The following TGFBR3 variants were observed in gnomAD, a reference collection of about 807,000 sequenced individuals.
TGFBR3 encodes transforming growth factor beta receptor 3.
A neutral mutation model predicts 87.9 loss-of-function variants in TGFBR3; 46 were observed. That is an observed-to-expected ratio of 0.52 (90% confidence interval 0.41 to 0.67). The LOEUF (loss-of-function observed/expected upper bound fraction) is 0.67. Among genes scored for constraint, TGFBR3 ranks in the 30% least tolerant of loss-of-function variants. The pLI is 0.00. For missense variants in TGFBR3, 866 were observed against 1,041.9 expected, an observed-to-expected ratio of 0.83 and a Z score of 2.32; for synonymous variants, 381 against 391.6, an observed-to-expected ratio of 0.97 and a Z score of 0.32.
intron 3 of TGFBR3, chr1:91,786,150 A>T (rs1364671813): frequency 2.2e-6 from 1 of 454,642 alleles, no homozygotes; most frequent in African/African-American, 2.0e-5. Flanking sequence ...GGTGCTAAAG[A>T]CATAAAAATG....
At chr1:91,876,813 G>A (rs1216741918) in intron 1 of TGFBR3, among the ~76,000 whole-genome samples, 1 of 151,884 alleles carries the variant, frequency 6.6e-6, no homozygotes, top group Non-Finnish European at 1.5e-5. Context: ...CCAATACAGA[G>A]CATTTGAGAA....
At chr1:91,852,442 C>T (rs1247180874) in intron 2 of TGFBR3, among the ~76,000 whole-genome samples, 2 of 152,228 alleles carry the variant, frequency 1.3e-5, no homozygotes, top group Non-Finnish European at 2.9e-5. Context: ...CATGCACGCA[C>T]ATGCTGTTTC....
rs767455328 is a variant in TGFBR3, at chr1:91,698,145, T to C, written c.2288-15A>G. 2.4e-5 allele frequency: 38 copies of C among 1,611,938 alleles called. No homozygotes were observed. The highest frequency in any genetic ancestry group is 2.1e-5 in the Non-Finnish European group (25 of 1,178,066). Reference sequence around the variant, plus strand: ...TGGACCTTTTTCTGAAACAAAAACATAAATCACAATGTATTCTATGGAGAA... The same window carrying C: ...TGGACCTTTTTCTGAAACAAAAACACAAATCACAATGTATTCTATGGAGAA... On this transcript the variant is annotated splice_polypyrimidine_tract_variant and intron_variant, in intron 14 of 16. Coordinates refer to ENST00000212355, the MANE Select transcript of TGFBR3 (RefSeq NM_003243.5).
chr1:91,712,577 G>A, intron 12 of TGFBR3, 35 bp from the exon 13 acceptor site: 1 of 1,606,914 alleles, frequency 6.2e-7, no homozygotes, highest in Non-Finnish European at 8.5e-7. Context: ...TAGGAAATGA[G>A]TTAGCATCTC....
chr1:91,703,285 T>C (rs1273576280), intron 14 of TGFBR3, among the ~76,000 whole-genome samples: 1 of 152,110 alleles, frequency 6.6e-6, no homozygotes, highest in Non-Finnish European at 1.5e-5. Context: ...CTCTCTTGGA[T>C]CAACTTCCAA....
intron 3 of TGFBR3, among the ~76,000 whole-genome samples, chr1:91,770,011 A>C (rs1674319735): frequency 6.6e-6 from 1 of 152,228 alleles, no homozygotes; most frequent in Non-Finnish European, 1.5e-5. Context: ...ACTGAGTCTC[A>C]GCATCAAAGT....
chr1:91,886,279 C>G (rs1205984000), upstream of TGFBR3: 2 of 420,080 alleles, frequency 4.8e-6, no homozygotes, highest in African/African-American at 2.1e-5. Flanking sequence ...CGGGGGCTCT[C>G]GGCCGCCCAG....
At chr1:91,793,224 C>G (rs1461772183) in intron 3 of TGFBR3, among the ~76,000 whole-genome samples, 2 of 152,124 alleles carry the variant, frequency 1.3e-5, no homozygotes, top group Non-Finnish European at 2.9e-5. Context: ...AAAAATCTCT[C>G]CCCAGCTGAA....
chr1:91,782,717 G>A (rs11165489), intron 3 of TGFBR3, among the ~76,000 whole-genome samples: 14,013 of 148,330 alleles, frequency 0.094, 771 homozygotes, highest in East Asian at 0.26. Context: ...GGGGCATGGC[G>A]AGGGCTGAGA....
chr1:91,800,842 C>A (rs992863265), intron 2 of TGFBR3: 5 of 162,356 alleles, frequency 3.1e-5, no homozygotes, highest in Non-Finnish European at 6.8e-5. Flanking sequence ...CCCAGCACTT[C>A]AGGAGGCCGA....
intron 2 of TGFBR3, among the ~76,000 whole-genome samples, chr1:91,829,363 G>A (rs963149181): frequency 1.3e-5 from 2 of 150,330 alleles, no homozygotes; most frequent in East Asian, 3.9e-4. Flanking sequence ...GCAACAGAGC[G>A]AGACTCGAAG....
Position 91,733,779 on chromosome 1 carries a change from G to A in TGFBR3, c.568+997C>T, listed in dbSNP as rs1447232612. 2.0e-5 allele frequency among the ~76,000 whole-genome samples: 3 copies of A among 152,168 alleles called. No homozygotes were observed. In the East Asian group the frequency reaches 5.8e-4, roughly 29 times the overall value. On this transcript the variant is annotated intron_variant, in intron 5 of 16. Coordinates refer to ENST00000212355, the MANE Select transcript of TGFBR3 (RefSeq NM_003243.5). ...TGGCCAGGTGCGGTGGCTCATGCCT[G>A]TAATCCCAGCACTTTGAGAGAACAA... is the stretch of plus-strand genomic sequence containing the variant.
intron 2 of TGFBR3, among the ~76,000 whole-genome samples, chr1:91,819,366 T>TG (rs961423369): frequency 7.3e-6 from 1 of 136,444 alleles, no homozygotes; most frequent in Non-Finnish European, 1.7e-5. Context: ...AGACTCCGTC[T>TG]GGGAAAAAAA....
At chr1:91,809,242 CTTTT>C (rs1406264549) in intron 2 of TGFBR3, among the ~76,000 whole-genome samples, 8 of 152,272 alleles carry the variant, frequency 5.3e-5, no homozygotes, top group Non-Finnish European at 2.9e-5. Context: ...CTAATTTTCT[CTTTT>C]TTATCATTTG....
intron 7 of TGFBR3, among the ~76,000 whole-genome samples, chr1:91,726,267 A>G (rs1304747805): frequency 1.3e-5 from 2 of 152,226 alleles, no homozygotes; most frequent in African/African-American, 4.8e-5. Flanking sequence ...CCAGCAGGGA[A>G]TTAAAATGTA....
intron 1 of TGFBR3, among the ~76,000 whole-genome samples, chr1:91,871,789 T>C (rs915700002): frequency 7.2e-5 from 11 of 152,126 alleles, no homozygotes; most frequent in Non-Finnish European, 1.5e-4. Context: ...GGGGCCCCCA[T>C]AGCCTACCTG....
chr1:91,730,660 A>G (rs1330316540), intron 5 of TGFBR3, among the ~76,000 whole-genome samples: 1 of 152,190 alleles, frequency 6.6e-6, no homozygotes, highest in Non-Finnish European at 1.5e-5. Context: ...TGTTATTTCA[A>G]CTATCAGGAG....
At chr1:91,823,552 T>C (rs1305654331) in intron 2 of TGFBR3, among the ~76,000 whole-genome samples, 1 of 152,204 alleles carries the variant, frequency 6.6e-6, no homozygotes, top group Non-Finnish European at 1.5e-5. Context: ...AGGAACAAAT[T>C]ACTAATACAT....
At chr1:91,789,711 A>G (rs1299151516) in intron 3 of TGFBR3, among the ~76,000 whole-genome samples, 1 of 152,208 alleles carries the variant, frequency 6.6e-6, no homozygotes, top group Non-Finnish European at 1.5e-5. Context: ...GGAATTTTAG[A>G]TTGAACATCT....
Sources: gnomAD v4.1 joint callset for allele counts (sites outside exome capture counted in the v4.1 genomes callset) on GRCh38, gnomAD v4.1.1 for gene constraint, MANE v1.5 for transcripts, NCBI Gene and HGNC (gene_info 2026-07-23, HGNC 2026-07-21) for gene names.